DOK7: variants seen among roughly 807,000 people sequenced by gnomAD.
DOK7 encodes protein Dok-7.
A neutral mutation model predicts 30.7 loss-of-function variants in DOK7; 32 were observed. The ratio of observed to expected loss-of-function variants is 1.04; its 90% CI spans 0.79 to 1.40. The LOEUF (loss-of-function observed/expected upper bound fraction) is 1.40. DOK7 is among the 40% of genes most tolerant of loss of function. The pLI is 0.00. For missense variants in DOK7, 1,007 were observed against 699.2 expected, an observed-to-expected ratio of 1.44 and a Z score of -4.97; for synonymous variants, 447 against 324.1, an observed-to-expected ratio of 1.38 and a Z score of -4.07.
At chr4:3,485,288 G>A (rs1402009217) in intron 4 of DOK7, 5 of 466,202 alleles carry the variant, frequency 1.1e-5, no homozygotes, top group Non-Finnish European at 1.5e-5. Flanking sequence ...TGAAGGGTGC[G>A]GCGGGGTCCC....
At chr4:3,500,361 T>C (rs1729129335) in exon 7 of DOK7, 4 of 1,535,806 alleles carry the variant, frequency 2.6e-6, no homozygotes, top group Non-Finnish European at 3.5e-6. Context: ...GCAGCTGCAC[T>C]ACATGGGCCT....
rs1292335924 is a variant in DOK7, at chr4:3,463,494, C to G, written c.55-12C>G. On this transcript the variant is annotated splice_polypyrimidine_tract_variant and intron_variant, in intron 1 of 6. Transcript: ENST00000340083. ...CGCGGGCGGCGGCTCACGCTCCCCC[C>G]TGTCCCCGCAGTGGAAGAGTAGGTG... The G allele has an allele frequency of 3.4e-6, 5 of 1,486,986 alleles. No homozygotes were observed. The highest frequency in any genetic ancestry group is 4.5e-6 in the Non-Finnish European group (5 of 1,121,048). The allele number at this position is 1,486,986 out of a possible 1,614,324, so 92.1% of individuals were successfully genotyped here.
intron 4 of DOK7, among the ~76,000 whole-genome samples, chr4:3,480,522 C>G (rs1057144806): frequency 6.6e-6 from 1 of 152,216 alleles, no homozygotes; most frequent in Admixed American, 6.5e-5. Flanking sequence ...GTGGGAAAAT[C>G]ACTTGAACCT....
chr4:3,467,187 A>ACCCCCCCCC (rs397740016), intron 2 of DOK7, among the ~76,000 whole-genome samples: 1 of 143,138 alleles, frequency 7.0e-6, no homozygotes, highest in Admixed American at 6.9e-5. Context: ...GTGGGCGGGG[A>ACCCCCCCCC]CCCCCCCCAC....
Position 3,477,515 on chromosome 4 carries a change from G to A in DOK7, c.532+973G>A, listed in dbSNP as rs115813340. Among the ~76,000 whole-genome samples the A allele has an allele frequency of 4.0e-3, 603 of 152,392 alleles. 4 individuals carry two copies. The highest frequency in any genetic ancestry group is 0.013 in the African/African-American group (544 of 41,600). On this transcript the variant is annotated intron_variant, in intron 4 of 6. Coordinates refer to ENST00000340083, the MANE Select transcript of DOK7 (RefSeq NM_173660.5). ...GGGCGCAAGCCCATCTGGGTGCCAC[G>A]TTCTGCCACCTTCTGCGCTGGGCGC...
At chr4:3,472,130 C>T (rs559691488) in intron 2 of DOK7, among the ~76,000 whole-genome samples, 4 of 152,358 alleles carry the variant, frequency 2.6e-5, no homozygotes, top group African/African-American at 9.6e-5. Context: ...TGTGGTCACA[C>T]AGACCCCCTG....
In DOK7 at chr4:3,476,419, G is replaced by A; in HGVS notation, c.409G>A (p.Val137Ile). ...GPATLHLCND[V>I]LVLARDIPPA... Reference sequence around the variant, plus strand: ...GGCTACCCTGCACCTCTGCAATGATGTCCTCGTCTTGGCCAGGGACATCCC... The same window carrying A: ...GGCTACCCTGCACCTCTGCAATGATATCCTCGTCTTGGCCAGGGACATCCC... The change falls in exon 4 of 7, where the codon GTC (valine) becomes ATC (isoleucine). Residue 137 changes from valine to isoleucine, a missense_variant. Physicochemically the swap from Val to Ile is conservative, Grantham distance 29 (BLOSUM62 3). Transcript: ENST00000340083. 1.2e-6 allele frequency: 2 copies of A among 1,613,472 alleles called. No homozygotes were observed. The highest frequency in any genetic ancestry group is 8.5e-7 in the Non-Finnish European group (1 of 1,180,010).
downstream of DOK7, among the ~76,000 whole-genome samples, chr4:3,494,647 G>A (rs538312774): frequency 6.6e-6 from 1 of 152,208 alleles, no homozygotes; most frequent in Non-Finnish European, 1.5e-5. Flanking sequence ...TGAATGCTGT[G>A]GTGTGCGGAG....
At chr4:3,488,507 C>T (rs571963390) in intron 5 of DOK7, among the ~76,000 whole-genome samples, 4 of 152,338 alleles carry the variant, frequency 2.6e-5, no homozygotes, top group East Asian at 3.9e-4. Flanking sequence ...GGGGTCGGGA[C>T]GTCTGGCTCC....
downstream of DOK7, among the ~76,000 whole-genome samples, chr4:3,498,112 G>A (rs1293617584): frequency 3.9e-5 from 6 of 152,160 alleles, no homozygotes; most frequent in Admixed American, 3.9e-4. Flanking sequence ...GTAGCGTCGG[G>A]CTGCCAGCCC....
rs1449633245 is a variant in DOK7, at chr4:3,490,564, G to A, written c.772+768G>A. On this transcript the variant is annotated intron_variant, in intron 6 of 6. Coordinates refer to ENST00000340083, the MANE Select transcript of DOK7 (RefSeq NM_173660.5). ...TCCTTCCTTCTCCCCCTGCTCATTC[G>A]TTTTTTCCTTCTCTCTCTGCTCATT... is the stretch of plus-strand genomic sequence containing the variant. Among the ~76,000 whole-genome samples the A allele has an allele frequency of 4.4e-3, 206 of 46,994 alleles. 1 individual carries two copies. Among genetic ancestry groups the A allele is most frequent in the African/African-American group, 0.011 (85 of 7,810 alleles). 30.8% of individuals were successfully genotyped at this position (46,994 alleles called of 152,430 possible).
chr4:3,497,340 G>A (rs528338033), downstream of DOK7, among the ~76,000 whole-genome samples: 2 of 152,230 alleles, frequency 1.3e-5, no homozygotes, highest in South Asian at 2.1e-4. Context: ...TGGGCTGGTG[G>A]TGAGCGACTC....
intron 3 of DOK7, among the ~76,000 whole-genome samples, chr4:3,475,446 G>T (rs10034457): frequency 0.061 from 9,216 of 152,294 alleles, 482 homozygotes; most frequent in African/African-American, 0.13. Flanking sequence ...AGCAGGTGGG[G>T]CCCCTGGTGG....
chr4:3,477,677 C>T (rs945059109), intron 4 of DOK7, among the ~76,000 whole-genome samples: 11 of 152,328 alleles, frequency 7.2e-5, no homozygotes, highest in African/African-American at 2.4e-4. Flanking sequence ...CAGCCAGCTG[C>T]AGGAGGCACG....
chr4:3,476,317 G>C (rs755782856), intron 3 of DOK7, 25 bp from the exon 4 acceptor site: 1 of 1,427,274 alleles, frequency 7.0e-7, no homozygotes, highest in Non-Finnish European at 9.3e-7. Context: ...CGCCCGTGAT[G>C]CCCTCTTGCC....
At position 3,490,395 on chromosome 4, in the gene DOK7, A is replaced by ATTCCTTCATTACCCTCCT. The variant is rs1560226782; in HGVS notation, c.772+599_772+600insTTCCTTCATTACCCTCCT. 1.0e-4 allele frequency among the ~76,000 whole-genome samples: 5 copies of ATTCCTTCATTACCCTCCT among 49,436 alleles called. No individual in the cohort carries two copies. In the Admixed American group the frequency reaches 1.2e-3, roughly 12 times the overall value. The allele number at this position is 49,436 out of a possible 152,430, so 32.4% of individuals were successfully genotyped here. On this transcript the variant is annotated intron_variant, in intron 6 of 6. Coordinates refer to ENST00000340083, the MANE Select transcript of DOK7 (RefSeq NM_173660.5). ...CCTTCCCCCCACCCCCTGCTCATTC[A>ATTCCTTCATTACCCTCCT]GTCCTTCTTTCACCCCCCCCACCGC...
At chr4:3,473,673 C>T (rs770592358) in intron 3 of DOK7, 37 bp downstream of exon 3, 8 of 1,508,578 alleles carry the variant, frequency 5.3e-6, no homozygotes, top group African/African-American at 1.4e-5. Context: ...GGGGGCTCCC[C>T]GTTCAGGTGT....
chr4:3,465,120 A>G (rs1397203863), intron 2 of DOK7, among the ~76,000 whole-genome samples: 3 of 152,062 alleles, frequency 2.0e-5, no homozygotes, highest in Non-Finnish European at 4.4e-5. Context: ...ATTGCTTTGG[A>G]CACCTGCTTT....
chr4:3,471,242 C>T (rs910903366), intron 2 of DOK7, among the ~76,000 whole-genome samples: 1 of 152,244 alleles, frequency 6.6e-6, no homozygotes, highest in African/African-American at 2.4e-5. Context: ...GGCCTCCACA[C>T]CTTCCTGCAG....
Sources: gnomAD v4.1 joint callset for allele counts (sites outside exome capture counted in the v4.1 genomes callset) on GRCh38, gnomAD v4.1.1 for gene constraint, MANE v1.5 for transcripts, NCBI Gene and HGNC (gene_info 2026-07-23, HGNC 2026-07-21) for gene names.